The following RAP1GAP variants were observed in gnomAD, a reference collection of about 807,000 sequenced individuals.
RAP1GAP encodes rap1 GTPase-activating protein 1.
Under a neutral mutation model 87.2 loss-of-function variants are expected in RAP1GAP, and 35 were observed. That is an observed-to-expected ratio of 0.40 (90% confidence interval 0.31 to 0.53). The LOEUF (loss-of-function observed/expected upper bound fraction) is 0.53, where lower values mean the gene tolerates loss of function less well. Ranked by LOEUF, RAP1GAP falls within the 20% of genes least tolerant of loss-of-function variation. The pLI, the probability that RAP1GAP is intolerant of heterozygous loss-of-function variation, is 0.48. For missense variants in RAP1GAP, 734 were observed against 898.9 expected (o/e 0.82, Z 2.35); for synonymous variants, 375 against 363.9 (o/e 1.03, Z -0.35).
chr1:21,662,965 C>T (rs2097203773), intron 1 of RAP1GAP, among the ~76,000 whole-genome samples: 1 of 152,204 alleles, frequency 6.6e-6, no homozygotes, highest in African/African-American at 2.4e-5. Flanking sequence ...GCTCAGGCCC[C>T]ATCATGCCTC....
At position 21,617,351 on chromosome 1, in the gene RAP1GAP, C is replaced by T; in HGVS notation, c.246G>A (p.Glu82=). 2.5e-6 allele frequency: 4 copies of T among 1,597,340 alleles called. No homozygotes were observed. Among genetic ancestry groups the T allele is most frequent in the Non-Finnish European group, 2.6e-6 (3 of 1,171,908 alleles). ...LQSPTTKVKL[E]CNPTARIYRK... is the part of the protein sequence containing the mutation. ...GGTAGATGCGGGCTGTGGGGTTGCA[C>T]TCGAGCTTCACCTTGGTTGTGGGCG... Residue 82 remains glutamate, a synonymous_variant, in exon 7 of 25, where the codon GAG becomes GAA. Coordinates refer to ENST00000374765, the MANE Select transcript of RAP1GAP (RefSeq NM_002885.4).
At chr1:21,647,646 A>G (rs2096190881) in intron 2 of RAP1GAP, among the ~76,000 whole-genome samples, 1 of 152,134 alleles carries the variant, frequency 6.6e-6, no homozygotes, top group Non-Finnish European at 1.5e-5. Context: ...CCAAAGTCAC[A>G]CAACTAGAAT....
Position 21,619,060 on chromosome 1 carries a change from C to G in RAP1GAP, c.31G>C (p.Asp11His), listed in dbSNP as rs1187398941. The change falls in exon 5 of 25, where the codon GAT (aspartate) becomes CAT (histidine). Residue 11 changes from aspartate (D) to histidine (H), a missense_variant. Physicochemically the swap from Asp to His is moderately conservative, Grantham distance 81. This residue lies in a region of RAP1GAP where 485 missense variants were observed against 646.2 expected (regional missense o/e 0.75). Transcript: ENST00000374765. MIEKMQGSRM[D>H]EQRCSFPPPL... is the part of the protein sequence containing the mutation. ...GGCGGGAAGGAGCAGCGTTGTTCAT[C>G]CATCCTGCTTCCCTGTAAGAGAAGG... 11 of 1,601,096 alleles carry G rather than the reference C, an allele frequency of 6.9e-6. No homozygotes were observed. The highest frequency in any genetic ancestry group is 9.4e-6 in the Non-Finnish European group (11 of 1,173,024).
intron 2 of RAP1GAP, among the ~76,000 whole-genome samples, chr1:21,637,447 T>C (rs1466875543): frequency 6.6e-6 from 1 of 151,948 alleles, no homozygotes; most frequent in Non-Finnish European, 1.5e-5. Context: ...AGCCACTGCA[T>C]CCAGCCCCAC....
Position 21,626,292 on chromosome 1 carries a change from GGGGA to G in RAP1GAP, c.-19+8_-19+11del, listed in dbSNP as rs2150262747. ...CAGACCAGGGGCCGTAGGTATGGAG[GGGGA>G]CACTTACCTTAGGGTAGAGTGAAGG... On this transcript the variant is annotated splice_region_variant and intron_variant, in intron 3 of 24. Coordinates refer to ENST00000374765, the MANE Select transcript of RAP1GAP (RefSeq NM_002885.4). 1 of 1,584,534 alleles carries G rather than the reference GGGGA, an allele frequency of 6.3e-7. No individual in the cohort carries two copies. Among genetic ancestry groups the G allele is most frequent in the East Asian group, 2.2e-5 (1 of 44,738 alleles).
chr1:21,631,544 A>C (rs989905559), intron 2 of RAP1GAP, among the ~76,000 whole-genome samples: 2 of 152,058 alleles, frequency 1.3e-5, no homozygotes, highest in African/African-American at 2.4e-5. Flanking sequence ...AAATTAGCTG[A>C]GAGTAGTGCC....
At chr1:21,648,143 A>G (rs2096248087) in intron 2 of RAP1GAP, among the ~76,000 whole-genome samples, 1 of 152,146 alleles carries the variant, frequency 6.6e-6, no homozygotes, top group Admixed American at 6.5e-5. Context: ...CATTTTGGGT[A>G]ATGGGGCGTG....
At chr1:21,610,354 A>C in intron 13 of RAP1GAP, 79 bp from the exon 14 acceptor site, 1 of 1,523,722 alleles carries the variant, frequency 6.6e-7, no homozygotes, top group South Asian at 1.1e-5. Context: ...GGGGTTTAGG[A>C]GGGTTTGGGG....
At chr1:21,644,919 AAGAG>A (rs1553483995) in intron 2 of RAP1GAP, among the ~76,000 whole-genome samples, 15 of 144,328 alleles carry the variant, frequency 1.0e-4, no homozygotes, top group African/African-American at 2.3e-4. Flanking sequence ...AAAAAAAAAA[AAGAG>A]AAAAGAAAGA....
intron 2 of RAP1GAP, among the ~76,000 whole-genome samples, chr1:21,632,807 G>T (rs541708082): frequency 4.7e-4 from 71 of 152,332 alleles, no homozygotes; most frequent in Non-Finnish European, 9.3e-4. Context: ...AGGCTGAGGT[G>T]GGAGGATCAC....
chr1:21,635,729 C>T lies in RAP1GAP; in HGVS notation c.-112-9332G>A, dbSNP rs373982568. The stretch of plus-strand genomic sequence containing the variant: ...GGCGGGGTGACCACCCAGGCCAAGG[C>T]GAAACCCCCACGGGGATAGACAAGG... On this transcript the variant is annotated intron_variant, in intron 2 of 24. Coordinates refer to ENST00000374765, the MANE Select transcript of RAP1GAP (RefSeq NM_002885.4). 6.0e-4 allele frequency among the ~76,000 whole-genome samples: 91 copies of T among 152,346 alleles called. 1 individual carries two copies. The South Asian group carries it at 0.018, about 31-fold the overall frequency.
intron 1 of RAP1GAP, among the ~76,000 whole-genome samples, chr1:21,650,993 G>A (rs1411774835): frequency 6.6e-6 from 1 of 152,206 alleles, no homozygotes. Context: ...ACCACTGGGA[G>A]GTAGGGCCTG....
At chr1:21,601,944 T>C (rs1377264631) in intron 19 of RAP1GAP, 147 bp from the exon 20 acceptor site, 4 of 554,160 alleles carry the variant, frequency 7.2e-6, no homozygotes, top group Non-Finnish European at 1.3e-5. Context: ...AGCAGTCTTG[T>C]GGGCTCCCTG....
At chr1:21,597,574 A>C in intron 24 of RAP1GAP, 112 bp downstream of exon 24, 3 of 1,179,298 alleles carry the variant, frequency 2.5e-6, no homozygotes, top group Admixed American at 5.8e-5. Context: ...TCAAACCCAG[A>C]TACATAGCTC....
intron 2 of RAP1GAP, among the ~76,000 whole-genome samples, 183 bp from the exon 3 acceptor site, chr1:21,626,580 T>C (rs1233391607): frequency 6.6e-6 from 1 of 152,158 alleles, no homozygotes; most frequent in Non-Finnish European, 1.5e-5. Flanking sequence ...CACAGGCTTC[T>C]CCTTCCCCGG....
At chr1:21,610,718 C>T (rs1570632063) in intron 13 of RAP1GAP, among the ~76,000 whole-genome samples, 1 of 152,316 alleles carries the variant, frequency 6.6e-6, no homozygotes, top group East Asian at 1.9e-4. Flanking sequence ...CCCTACCTCT[C>T]AGCCCTTCTC....
chr1:21,642,916 T>A (rs932290470), intron 2 of RAP1GAP, among the ~76,000 whole-genome samples: 113 of 87,844 alleles, frequency 1.3e-3, no homozygotes, highest in South Asian at 3.0e-3. Context: ...ACACACACAC[T>A]GCCACTTGGC....
intron 20 of RAP1GAP, 111 bp from the exon 21 acceptor site, chr1:21,599,728 C>T: frequency 1.4e-6 from 2 of 1,443,800 alleles, no homozygotes; most frequent in Non-Finnish European, 1.8e-6. Flanking sequence ...AGCAGCCAAG[C>T]ACCTTTGAGG....
At chr1:21,605,949 G>T in intron 18 of RAP1GAP, 117 bp downstream of exon 18, 1 of 1,287,726 alleles carries the variant, frequency 7.8e-7, no homozygotes, top group Non-Finnish European at 1.1e-6. Context: ...CAGAGCCTAG[G>T]ATGGGCATGT....
Sources: allele counts gnomAD v4.1 joint callset (sites outside exome capture counted in the v4.1 genomes callset), GRCh38; gene constraint gnomAD v4.1.1; regional missense constraint gnomAD v4.1.1; transcripts MANE v1.5; gene names NCBI Gene and HGNC (gene_info 2026-07-23, HGNC 2026-07-21).